ZBTB41: variants seen among roughly 807,000 people sequenced by gnomAD.
The protein encoded by ZBTB41 is zinc finger and BTB domain containing 41.
In ZBTB41, 42 loss-of-function variants were observed where a neutral mutation model predicts 87.6. The ratio of observed to expected loss-of-function variants is 0.48; its 90% CI spans 0.37 to 0.62. ZBTB41 has a LOEUF of 0.62. Among genes scored for constraint, ZBTB41 ranks in the 20% least tolerant of loss-of-function variants. The pLI, the probability that ZBTB41 is intolerant of heterozygous loss-of-function variation, is 0.00. For synonymous variants in ZBTB41, 364 were observed against 364.0 expected, an observed-to-expected ratio of 1.00 and a Z score of 0.00; for missense variants, 799 against 1,078.9, an observed-to-expected ratio of 0.74 and a Z score of 3.63.
At chr1:197,190,929 C>A in intron 3 of ZBTB41, 98 bp from the exon 4 acceptor site, 1 of 720,240 alleles carries the variant, frequency 1.4e-6, no homozygotes, top group Non-Finnish European at 2.2e-6. Flanking sequence ...GGATCAAGTA[C>A]TGATTCCTTT....
At chr1:197,163,258 A>C (rs1659241444) in intron 10 of ZBTB41, among the ~76,000 whole-genome samples, 2 of 152,306 alleles carry the variant, frequency 1.3e-5, no homozygotes, top group Non-Finnish European at 2.9e-5. Context: ...GGCTTCTGTA[A>C]TTTTTAACTC....
intron 2 of ZBTB41, 44 bp downstream of exon 2, chr1:197,199,310 A>G: frequency 1.4e-6 from 2 of 1,451,008 alleles, no homozygotes; most frequent in South Asian, 1.7e-5. Flanking sequence ...AATATCCAAG[A>G]AAAGTAAGTG....
Position 197,166,900 on chromosome 1 carries a change from C to G in ZBTB41, c.2074+5260G>C, listed in dbSNP as rs116736745. 7.6e-3 allele frequency among the ~76,000 whole-genome samples: 1,155 copies of G among 152,134 alleles called. 9 individuals are homozygous for G. The highest frequency in any genetic ancestry group is 0.025 in the African/African-American group (1,049 of 41,508). On this transcript the variant is annotated intron_variant, in intron 10 of 10. Transcript: ENST00000367405. ...AATTAAAACCTTTCCCTACAGAAAA[C>G]AAACTCAGGAATTTATTCTGTCAAT...
intron 2 of ZBTB41, among the ~76,000 whole-genome samples, chr1:197,196,724 T>G (rs1162056790): frequency 6.6e-6 from 1 of 152,220 alleles, no homozygotes. Flanking sequence ...ACCACTTTCT[T>G]GCCCACCTTC....
rs1158748620 is a variant in ZBTB41, at chr1:197,156,924, A to G, written c.*2435T>C. The stretch of plus-strand genomic sequence containing the variant: ...GCCACCTACTGACCATGTGAGCTTA[A>G]ATGAGTCCTTTTATCTTAACCTCAA... On this transcript the variant is annotated 3_prime_UTR_variant, in exon 11 of 11. Transcript: ENST00000367405. 1 of 152,164 alleles carries G rather than the reference A, an allele frequency of 6.6e-6. No individual in the cohort carries two copies. 9.4% of individuals were successfully genotyped at this position (152,164 alleles called of 1,614,324 possible).
At position 197,181,091 on chromosome 1, in the gene ZBTB41, G is replaced by A. The variant is rs536697957; in HGVS notation, c.1573C>T (p.Arg525Cys). 6 of 1,597,754 alleles carry A rather than the reference G, an allele frequency of 3.8e-6. No individual in the cohort carries two copies. The highest frequency in any genetic ancestry group is 5.1e-6 in the Non-Finnish European group (6 of 1,175,952). The stretch of plus-strand genomic sequence containing the variant: ...AAATTTCCAGTGTCGTTAAACTGGC[G>A]ACCACATATATCACATGGAAAAGGA... ...LGPFPCDICG[R>C]QFNDTGNLKR... The change falls in exon 6 of 11, where the codon CGC (arginine) becomes TGC (cysteine). Residue 525 changes from arginine (R) to cysteine (C), a missense_variant. Coordinates refer to ENST00000367405, the MANE Select transcript of ZBTB41 (RefSeq NM_194314.3).
intron 5 of ZBTB41, among the ~76,000 whole-genome samples, chr1:197,182,348 C>G (rs949406295): frequency 6.6e-6 from 1 of 152,034 alleles, no homozygotes; most frequent in African/African-American, 2.4e-5. Context: ...CATTTTTTTC[C>G]TATACTGGAT....
chr1:197,185,171 GCATA>G (rs1218759452), intron 5 of ZBTB41, among the ~76,000 whole-genome samples: 6 of 152,086 alleles, frequency 3.9e-5, no homozygotes, highest in Admixed American at 3.9e-4. Flanking sequence ...CTATTGTACA[GCATA>G]CAGATTTTTT....
rs558727867 is a variant in ZBTB41, at chr1:197,155,209, T to C, written c.*4150A>G. The stretch of plus-strand genomic sequence containing the variant: ...CCCAAGAGTGGCTTCACAGTAACTA[T>C]AAAGGCCACAACAGAGATTTTTAAA... On this transcript the variant is annotated 3_prime_UTR_variant, in exon 11 of 11. Transcript: ENST00000367405. The C allele has an allele frequency of 2.7e-3, 404 of 152,080 alleles. 4 individuals carry two copies. The highest frequency in any genetic ancestry group is 0.014 in the Middle Eastern group (4 of 294). 9.4% of individuals were successfully genotyped at this position (152,080 alleles called of 1,614,324 possible).
intron 5 of ZBTB41, among the ~76,000 whole-genome samples, chr1:197,185,198 T>C (rs1659852256): frequency 6.6e-6 from 1 of 152,226 alleles, no homozygotes; most frequent in Admixed American, 6.5e-5. Flanking sequence ...ATATGTTTAT[T>C]TTCTGGTATA....
chr1:197,183,928 G>A (rs1659819829), intron 5 of ZBTB41, among the ~76,000 whole-genome samples: 1 of 152,132 alleles, frequency 6.6e-6, no homozygotes, highest in African/African-American at 2.4e-5. Flanking sequence ...GGTAAGTTCA[G>A]CATATGCTTG....
At chr1:197,179,649 T>TG (rs1011218212) in intron 6 of ZBTB41, among the ~76,000 whole-genome samples, 3 of 152,018 alleles carry the variant, frequency 2.0e-5, no homozygotes, top group Non-Finnish European at 4.4e-5. Context: ...GACCTTCCAG[T>TG]GGGACAAGAT....
Position 197,157,513 on chromosome 1 carries a change from C to T in ZBTB41, c.*1846G>A, listed in dbSNP as rs1046696636. 1 of 151,908 alleles carries T rather than the reference C, an allele frequency of 6.6e-6. No individual in the cohort carries two copies. The highest frequency in any genetic ancestry group is 1.5e-5 in the Non-Finnish European group (1 of 67,678). The allele number at this position is 151,908 out of a possible 1,614,324, so 9.4% of individuals were successfully genotyped here. A position where few individuals can be genotyped will look rare whatever the true frequency, so the allele number is the denominator to read the frequency against. On this transcript the variant is annotated 3_prime_UTR_variant, in exon 11 of 11. Coordinates refer to ENST00000367405, the MANE Select transcript of ZBTB41 (RefSeq NM_194314.3). The stretch of plus-strand genomic sequence containing the variant: ...AAAGTCAATTTGAAAGACTAACAGA[C>T]TAACAGTACCTCATATAGTCAACCT...
At chr1:197,160,774 T>C (rs1659183470) in intron 10 of ZBTB41, among the ~76,000 whole-genome samples, 1 of 152,134 alleles carries the variant, frequency 6.6e-6, no homozygotes, top group East Asian at 1.9e-4. Context: ...AAAGAGACTT[T>C]GCAGATCAGA....
intron 2 of ZBTB41, among the ~76,000 whole-genome samples, chr1:197,198,542 A>G (rs1442860675): frequency 6.6e-6 from 1 of 152,132 alleles, no homozygotes; most frequent in African/African-American, 2.4e-5. Flanking sequence ...CATAACTTCA[A>G]TTTACCTGGA....
At chr1:197,179,215 A>G (rs936760419) in intron 6 of ZBTB41, among the ~76,000 whole-genome samples, 1 of 152,130 alleles carries the variant, frequency 6.6e-6, no homozygotes, top group Non-Finnish European at 1.5e-5. Context: ...TTTAGCTATC[A>G]CTACTACAGT....
Position 197,156,501 on chromosome 1 carries a change from T to G in ZBTB41, c.*2858A>C, listed in dbSNP as rs1013746703. On this transcript the variant is annotated 3_prime_UTR_variant, in exon 11 of 11. Coordinates refer to ENST00000367405, the MANE Select transcript of ZBTB41 (RefSeq NM_194314.3). ...CTAAACTTAGTTGCAAGATTCAAAA[T>G]TTTAAGTACAGTTACAAAATAAATG... 5.3e-5 allele frequency: 8 copies of G among 152,292 alleles called. No individual in the cohort carries two copies. Among genetic ancestry groups the G allele is most frequent in the African/African-American group, 1.9e-4 (8 of 41,426 alleles). 9.4% of individuals were successfully genotyped at this position (152,292 alleles called of 1,614,324 possible). A position where few individuals can be genotyped will look rare whatever the true frequency, so the allele number is the denominator to read the frequency against.
At chr1:197,181,713 T>C (rs911420769) in intron 5 of ZBTB41, among the ~76,000 whole-genome samples, 4 of 152,142 alleles carry the variant, frequency 2.6e-5, no homozygotes, top group Non-Finnish European at 4.4e-5. Context: ...TGTCTCAGTA[T>C]ATGGAAGGAC....
chr1:197,176,249 G>T (rs1659604147), intron 8 of ZBTB41, among the ~76,000 whole-genome samples: 1 of 151,928 alleles, frequency 6.6e-6, no homozygotes, highest in African/African-American at 2.4e-5. Context: ...TCCCTTTAAG[G>T]AACTGTCAAT....
Sources: gnomAD v4.1 joint callset for allele counts (sites outside exome capture counted in the v4.1 genomes callset) on GRCh38, gnomAD v4.1.1 for gene constraint, MANE v1.5 for transcripts, NCBI Gene and HGNC (gene_info 2026-07-23, HGNC 2026-07-21) for gene names.